MYLK4: variants seen among roughly 807,000 people sequenced by gnomAD.
The protein encoded by MYLK4 is myosin light chain kinase family member 4.
Under a neutral mutation model 48.1 loss-of-function variants are expected in MYLK4, and 46 were observed. That is an observed-to-expected ratio of 0.96 (90% confidence interval 0.75 to 1.22). MYLK4 has a LOEUF of 1.22. Among genes scored for constraint, MYLK4 ranks in the 50% most tolerant of loss-of-function variants. The pLI, the probability that MYLK4 is intolerant of heterozygous loss-of-function variation, is 0.00. For synonymous variants in MYLK4, 170 were observed against 180.8 expected (o/e 0.94, Z 0.48); for missense variants, 451 against 486.1 (o/e 0.93, Z 0.68).
At chr6:2,691,992 T>C (rs113347666) in intron 3 of MYLK4, among the ~76,000 whole-genome samples, 2,461 of 152,324 alleles carry the variant, frequency 0.016, 62 homozygotes, top group African/African-American at 0.055. Flanking sequence ...TTTCGTGAAA[T>C]TGGTCACCAT....
At chr6:2,697,923 G>A (rs998787488) in intron 2 of MYLK4, among the ~76,000 whole-genome samples, 7 of 152,202 alleles carry the variant, frequency 4.6e-5, no homozygotes, top group Non-Finnish European at 7.3e-5. Context: ...GGAATGGCAC[G>A]TTCACTGTGA....
chr6:2,699,560 G>A (rs35956631), intron 2 of MYLK4, among the ~76,000 whole-genome samples: 4,680 of 151,508 alleles, frequency 0.031, 82 homozygotes, highest in Middle Eastern at 0.044. Context: ...GCCTCCCAAA[G>A]TGCTGGGATT....
intron 2 of MYLK4, among the ~76,000 whole-genome samples, chr6:2,702,808 T>C (rs1006196619): frequency 6.6e-6 from 1 of 152,140 alleles, no homozygotes; most frequent in Non-Finnish European, 1.5e-5. Context: ...TAATTAAAAA[T>C]GTTAAGTACA....
chr6:2,714,455 GC>G (rs1487410002), intron 2 of MYLK4, among the ~76,000 whole-genome samples: 1 of 152,238 alleles, frequency 6.6e-6, no homozygotes, highest in Non-Finnish European at 1.5e-5. Context: ...CTATGAGTCA[GC>G]CCTGCTCTGC....
chr6:2,698,669 A>C (rs1762160454), intron 2 of MYLK4, among the ~76,000 whole-genome samples: 1 of 152,260 alleles, frequency 6.6e-6, no homozygotes, highest in Non-Finnish European at 1.5e-5. Context: ...AGAACAATAA[A>C]TAAATCCTAC....
chr6:2,712,834 C>T (rs1762722943), intron 2 of MYLK4, among the ~76,000 whole-genome samples: 1 of 152,166 alleles, frequency 6.6e-6, no homozygotes. Flanking sequence ...GAAAGCAGGC[C>T]ATTTAAATCC....
chr6:2,674,624 AGCACTAT>A (rs1761014874), intron 11 of MYLK4, among the ~76,000 whole-genome samples: 1 of 152,250 alleles, frequency 6.6e-6, no homozygotes, highest in African/African-American at 2.4e-5. Flanking sequence ...CTGTAATCCC[AGCACTAT>A]GGGAGGCCAA....
chr6:2,709,809 T>C (rs1450328135), intron 2 of MYLK4, among the ~76,000 whole-genome samples: 2 of 152,244 alleles, frequency 1.3e-5, no homozygotes, highest in Non-Finnish European at 2.9e-5. Context: ...TGGTTAATGA[T>C]GGTTTAATTC....
At chr6:2,757,597 T>A in the MYLK4 span, among the ~76,000 whole-genome samples, 3 of 142,268 alleles carry the variant, frequency 2.1e-5, no homozygotes, top group South Asian at 2.4e-4. Flanking sequence ...ATAGATAGGA[T>A]ACTTCCATAA....
chr6:2,712,712 G>A (rs755875108), intron 2 of MYLK4, among the ~76,000 whole-genome samples: 3 of 152,206 alleles, frequency 2.0e-5, no homozygotes, highest in East Asian at 1.9e-4. Context: ...AGAGCCAGAC[G>A]GCTGCATCGG....
chr6:2,687,363 T>C (rs919080111), intron 4 of MYLK4, among the ~76,000 whole-genome samples: 1 of 152,150 alleles, frequency 6.6e-6, no homozygotes, highest in South Asian at 2.1e-4. Flanking sequence ...GTGAAGCCCA[T>C]AACGAGAGCT....
intron 2 of MYLK4, among the ~76,000 whole-genome samples, chr6:2,748,146 G>T (rs1191719313): frequency 6.6e-6 from 1 of 152,188 alleles, no homozygotes; most frequent in Non-Finnish European, 1.5e-5. Context: ...TTCCAAACCT[G>T]CCTGATAAGA....
chr6:2,667,829 G>A lies in MYLK4; in HGVS notation c.*96C>T. ...CTGCTAAGACTACCAGGTCATCACA[G>A]GGGTCAAGGCATCAGAACTGCTGAT... On this transcript the variant is annotated 3_prime_UTR_variant, in exon 13 of 13. Transcript: ENST00000274643. The A allele has an allele frequency of 6.5e-6, 1 of 152,732 alleles. No homozygotes were observed. The highest frequency in any genetic ancestry group is 1.5e-5 in the Non-Finnish European group (1 of 68,048). 9.5% of individuals were successfully genotyped at this position (152,732 alleles called of 1,614,324 possible).
At chr6:2,669,650 G>A (rs1458496074) in intron 12 of MYLK4, among the ~76,000 whole-genome samples, 1 of 152,164 alleles carries the variant, frequency 6.6e-6, no homozygotes, top group African/African-American at 2.4e-5. Flanking sequence ...GTTGTCTGTG[G>A]ATCCAGGAAC....
At chr6:2,724,496 T>A (rs375463395) in intron 2 of MYLK4, among the ~76,000 whole-genome samples, 15 of 152,098 alleles carry the variant, frequency 9.9e-5, no homozygotes, top group African/African-American at 3.6e-4. Flanking sequence ...AGAAAGGAAG[T>A]GTGAAGGGTC....
At chr6:2,765,712 G>A in the MYLK4 span, 6 of 1,544,986 alleles carry the variant, frequency 3.9e-6, no homozygotes, top group Non-Finnish European at 5.2e-6. Context: ...TGCCCGCCGC[G>A]CACATCAACT....
chr6:2,692,859 C>T lies in MYLK4; in HGVS notation c.160G>A (p.Ala54Thr), dbSNP rs767424888. 7 of 1,612,224 alleles carry T rather than the reference C, an allele frequency of 4.3e-6. No individual in the cohort carries two copies. In the Admixed American group the frequency reaches 8.4e-5, roughly 19 times the overall value. The change falls in exon 3 of 13, where the codon GCG becomes ACG. Residue 54 changes from alanine to threonine, a missense_variant and splice_region_variant. Coordinates refer to ENST00000274643, the MANE Select transcript of MYLK4 (RefSeq NM_001012418.5). ...TCGGCGTTTGACCACACCTCCTTCG[C>T]CTGTGGAGGCACAATTGAGTAATTG... ...DQDSRSGHNE[A>T]KEVWSNADLT...
In MYLK4 at chr6:2,685,415, AG is replaced by A; in HGVS notation, c.436-11del. The A allele has an allele frequency of 7.0e-7, 1 of 1,423,092 alleles. No individual in the cohort carries two copies. The highest frequency in any genetic ancestry group is 9.5e-7 in the Non-Finnish European group (1 of 1,052,822). The allele number at this position is 1,423,092 out of a possible 1,614,324, so 88.2% of individuals were successfully genotyped here. On this transcript the variant is annotated splice_polypyrimidine_tract_variant and intron_variant, in intron 5 of 12. Transcript: ENST00000274643. The surrounding 1 kb of genome is among the most constrained non-coding windows in gnomAD (Gnocchi z 4.5). ...CGTTCTTCACCTCCTCCTGAGAAGC[AG>A]GAAACAGTGCATTAGTGTGGTCAAG...
intron 2 of MYLK4, among the ~76,000 whole-genome samples, chr6:2,701,686 G>A (rs896268425): frequency 5.9e-5 from 9 of 152,248 alleles, no homozygotes; most frequent in East Asian, 3.9e-4. Context: ...ACATTTAGTC[G>A]CCTGGTCCAG....
Sources: allele counts gnomAD v4.1 joint callset (sites outside exome capture counted in the v4.1 genomes callset), GRCh38; gene constraint gnomAD v4.1.1; non-coding constraint Gnocchi (gnomAD v3.1); transcripts MANE v1.5; gene names NCBI Gene and HGNC (gene_info 2026-07-23, HGNC 2026-07-21).